HDAC9: variants seen among roughly 807,000 people sequenced by gnomAD.
The protein encoded by HDAC9 is MEF-2 interacting transcription repressor (MITR) protein.
A neutral mutation model predicts 139.4 loss-of-function variants in HDAC9; 41 were observed. The ratio of observed to expected loss-of-function variants is 0.29; its 90% confidence interval spans 0.23 to 0.38. The LOEUF (loss-of-function observed/expected upper bound fraction) is 0.38, where lower values mean the gene tolerates loss of function less well. Among genes scored for constraint, HDAC9 ranks in the 10% least tolerant of loss-of-function variants. The pLI, the probability that HDAC9 is intolerant of heterozygous loss-of-function variation, is 1.00. For synonymous variants in HDAC9, 517 were observed against 476.2 expected (o/e 1.09, Z -1.12); for missense variants, 1,147 against 1,297.0 (o/e 0.88, Z 1.78).
intron 13 of HDAC9, among the ~76,000 whole-genome samples, chr7:18,742,181 A>G (rs957244132): frequency 1.3e-5 from 2 of 152,232 alleles, no homozygotes; most frequent in Non-Finnish European, 2.9e-5. Flanking sequence ...CTATAATACT[A>G]AGCAGCATTC....
At chr7:18,180,226 T>TAC (rs67304424) in intron 2 of HDAC9, among the ~76,000 whole-genome samples, 14,716 of 120,462 alleles carry the variant, frequency 0.12, 785 homozygotes, top group Middle Eastern at 0.17. Context: ...CCAAGACACA[T>TAC]ACACACACAC....
At chr7:18,965,524 C>T (rs1412343187) in intron 24 of HDAC9, among the ~76,000 whole-genome samples, 1 of 152,104 alleles carries the variant, frequency 6.6e-6, no homozygotes, top group Non-Finnish European at 1.5e-5. Flanking sequence ...AATTTATTTG[C>T]AGGTGCAGGC....
intron 22 of HDAC9, among the ~76,000 whole-genome samples, chr7:18,920,131 A>T (rs1347637554): frequency 6.6e-6 from 1 of 152,162 alleles, no homozygotes; most frequent in African/African-American, 2.4e-5. Flanking sequence ...GCCCATTAGC[A>T]TGGAATGTTC....
intron 16 of HDAC9, among the ~76,000 whole-genome samples, chr7:18,785,402 C>T (rs1033527257): frequency 6.6e-6 from 1 of 151,846 alleles, no homozygotes; most frequent in Admixed American, 6.6e-5. Context: ...AGTAGCACAC[C>T]TCCCTTACTC....
intron 1 of HDAC9, among the ~76,000 whole-genome samples, chr7:18,356,515 C>T (rs1783318099): frequency 6.6e-6 from 1 of 151,910 alleles, no homozygotes; most frequent in Admixed American, 6.6e-5. Context: ...CGAATGAATC[C>T]TCCCTTCCTT....
intron 2 of HDAC9, chr7:18,509,467 T>C (rs1762326284): frequency 1.0e-6 from 1 of 984,594 alleles, no homozygotes; most frequent in Non-Finnish European, 1.2e-6. Flanking sequence ...ACTTGTTTTT[T>C]CCCCCGAGTG....
chr7:18,410,142 G>A (rs953982499), intron 1 of HDAC9, among the ~76,000 whole-genome samples: 3 of 152,042 alleles, frequency 2.0e-5, no homozygotes, highest in African/African-American at 7.2e-5. Context: ...AATGTAGTTT[G>A]AAGGTACTTC....
chr7:18,370,299 G>A (rs1784497509), intron 1 of HDAC9, among the ~76,000 whole-genome samples: 1 of 151,760 alleles, frequency 6.6e-6, no homozygotes. Flanking sequence ...GCAGTGAAAG[G>A]AGTAACATTG....
chr7:18,572,193 A>C (rs542963533), intron 2 of HDAC9, among the ~76,000 whole-genome samples: 1 of 151,790 alleles, frequency 6.6e-6, no homozygotes, highest in East Asian at 2.0e-4. Flanking sequence ...TTCCGGAGTT[A>C]TAAGGGAATC....
intron 1 of HDAC9, among the ~76,000 whole-genome samples, chr7:18,468,454 G>C (rs1439524396): frequency 1.3e-5 from 2 of 151,724 alleles, no homozygotes; most frequent in African/African-American, 4.8e-5. Flanking sequence ...TTTAAGAGAG[G>C]GGTCCTGCTG....
intron 22 of HDAC9, among the ~76,000 whole-genome samples, chr7:18,911,557 G>A (rs1802744545): frequency 1.3e-5 from 2 of 150,464 alleles, no homozygotes; most frequent in Admixed American, 1.3e-4. Context: ...TACTAATTTG[G>A]GGTTTGGTTT....
chr7:18,774,453 A>G (rs1178141247), intron 16 of HDAC9, among the ~76,000 whole-genome samples: 1 of 152,136 alleles, frequency 6.6e-6, no homozygotes, highest in Admixed American at 6.6e-5. Flanking sequence ...AGCAAATAGC[A>G]CAATAAAGTG....
At chr7:18,983,416 G>T (rs561851109) in intron 25 of HDAC9, among the ~76,000 whole-genome samples, 1 of 152,274 alleles carries the variant, frequency 6.6e-6, no homozygotes, top group South Asian at 2.1e-4. Context: ...GAACATGGAT[G>T]TGCAAATAAC....
chr7:18,337,099 C>G (rs1781640926), intron 1 of HDAC9, among the ~76,000 whole-genome samples: 1 of 151,540 alleles, frequency 6.6e-6, no homozygotes, highest in African/African-American at 2.4e-5. Context: ...AAATTGCAGT[C>G]ATTTGGAGAA....
intron 1 of HDAC9, among the ~76,000 whole-genome samples, chr7:18,138,690 A>C (rs1785650142): frequency 1.3e-5 from 2 of 152,116 alleles, no homozygotes; most frequent in Admixed American, 6.6e-5. Context: ...CAGCCAAAAA[A>C]TTAGGGGCTC....
chr7:18,590,300 A>C (rs778596340), intron 3 of HDAC9, 36 bp from the exon 4 acceptor site: 3 of 1,608,120 alleles, frequency 1.9e-6, no homozygotes, highest in South Asian at 2.2e-5. Flanking sequence ...AAGCCTAAAG[A>C]AATTGCACAC....
intron 2 of HDAC9, among the ~76,000 whole-genome samples, chr7:18,519,053 A>G (rs1804138952): frequency 6.6e-6 from 1 of 152,224 alleles, no homozygotes; most frequent in Non-Finnish European, 1.5e-5. Flanking sequence ...TGATTGATAA[A>G]TACTATGTAT....
At chr7:18,982,934 C>G (rs1785054447) in intron 25 of HDAC9, among the ~76,000 whole-genome samples, 1 of 152,144 alleles carries the variant, frequency 6.6e-6, no homozygotes. Context: ...ATGAATAAAG[C>G]TGATCAATTA....
intron 12 of HDAC9, among the ~76,000 whole-genome samples, chr7:18,704,374 C>A (rs991002485): frequency 1.3e-5 from 2 of 152,246 alleles, no homozygotes; most frequent in Non-Finnish European, 2.9e-5. Context: ...CCTTTAGTGA[C>A]TTTAAGCATC....
Sources: gnomAD v4.1 joint callset for allele counts (sites outside exome capture counted in the v4.1 genomes callset) on GRCh38, gnomAD v4.1.1 for gene constraint, MANE v1.5 for transcripts, NCBI Gene and HGNC (gene_info 2026-07-23, HGNC 2026-07-21) for gene names.